Variants in TAOK3 observed in about 807,000 individuals in gnomAD.
TAOK3 encodes the protein TAO kinase 3, also known as serine/threonine-protein kinase TAO3.
A neutral mutation model predicts 120.4 loss-of-function variants in TAOK3; 40 were observed. The ratio of observed to expected loss-of-function variants is 0.33; its 90% CI spans 0.26 to 0.43. The LOEUF is 0.43. Among genes scored for constraint, TAOK3 ranks in the 20% least tolerant of loss-of-function variants. The pLI is 1.00. For synonymous variants in TAOK3, 355 were observed against 387.5 expected, an observed-to-expected ratio of 0.92 and a Z score of 0.99; for missense variants, 821 against 1,112.1, an observed-to-expected ratio of 0.74 and a Z score of 3.72.
chr12:118,325,349 G>A (rs978202324), intron 1 of TAOK3, among the ~76,000 whole-genome samples: 3 of 152,144 alleles, frequency 2.0e-5, no homozygotes, highest in South Asian at 4.1e-4. Flanking sequence ...AACAGTGTAC[G>A]AGGGTTCTCC....
chr12:118,367,755 C>T (rs985281985), intron 1 of TAOK3, among the ~76,000 whole-genome samples: 9 of 151,794 alleles, frequency 5.9e-5, no homozygotes, highest in African/African-American at 2.2e-4. Context: ...ATCCTCCCTC[C>T]CTCTCTCCCT....
At chr12:118,339,275 CTTTTTTTTT>C (rs72009582) in intron 1 of TAOK3, among the ~76,000 whole-genome samples, 85 of 86,924 alleles carry the variant, frequency 9.8e-4, no homozygotes, top group South Asian at 1.9e-3. Flanking sequence ...CTTCATCATA[CTTTTTTTTT>C]TTTTTTTTTT....
intron 3 of TAOK3, among the ~76,000 whole-genome samples, chr12:118,249,421 G>C (rs2040652443): frequency 6.6e-6 from 1 of 152,024 alleles, no homozygotes; most frequent in Non-Finnish European, 1.5e-5. Context: ...AATTAGCAGG[G>C]CGTGGTGGCA....
At chr12:118,298,915 C>G (rs1406819950) in intron 1 of TAOK3, among the ~76,000 whole-genome samples, 1 of 152,186 alleles carries the variant, frequency 6.6e-6, no homozygotes, top group Non-Finnish European at 1.5e-5. Flanking sequence ...CTTTGTTGTT[C>G]TGACCTAAAT....
chr12:118,169,077 G>A (rs1273549510), intron 17 of TAOK3, among the ~76,000 whole-genome samples: 5 of 151,636 alleles, frequency 3.3e-5, no homozygotes, highest in Non-Finnish European at 5.9e-5. Context: ...GGAATGGCGC[G>A]ATCTCGGCTC....
At chr12:118,364,973 C>T (rs2045704413) in intron 1 of TAOK3, among the ~76,000 whole-genome samples, 1 of 152,186 alleles carries the variant, frequency 6.6e-6, no homozygotes, top group Non-Finnish European at 1.5e-5. Context: ...TTAAAAAAAT[C>T]ACTTCACTTA....
intron 14 of TAOK3, among the ~76,000 whole-genome samples, chr12:118,186,577 T>C (rs1376767442): frequency 6.6e-6 from 1 of 152,228 alleles, no homozygotes; most frequent in East Asian, 1.9e-4. Context: ...TGCAGAACTA[T>C]ATAAACAACT....
At chr12:118,180,019 C>T (rs560550803) in intron 15 of TAOK3, among the ~76,000 whole-genome samples, 1 of 145,324 alleles carries the variant, frequency 6.9e-6, no homozygotes, top group Admixed American at 7.2e-5. Flanking sequence ...ACAATCTCAA[C>T]TCACTGCAAC....
At chr12:118,156,465 C>T (rs2034832079) in intron 19 of TAOK3, among the ~76,000 whole-genome samples, 1 of 152,030 alleles carries the variant, frequency 6.6e-6, no homozygotes, top group Admixed American at 6.6e-5. Flanking sequence ...CTTCCTCTAA[C>T]CGCTCTTCCT....
At chr12:118,357,972 A>G (rs2045463895) in intron 1 of TAOK3, among the ~76,000 whole-genome samples, 1 of 152,220 alleles carries the variant, frequency 6.6e-6, no homozygotes, top group African/African-American at 2.4e-5. Context: ...CATCCTATGC[A>G]TAATTATAAG....
intron 1 of TAOK3, among the ~76,000 whole-genome samples, chr12:118,307,746 A>G (rs1246128989): frequency 1.3e-5 from 2 of 152,140 alleles, no homozygotes; most frequent in Non-Finnish European, 1.5e-5. Context: ...TTCTTTCCTT[A>G]AAAAACAAAA....
chr12:118,260,282 C>T (rs2041170385), intron 2 of TAOK3, among the ~76,000 whole-genome samples: 1 of 152,192 alleles, frequency 6.6e-6, no homozygotes, highest in African/African-American at 2.4e-5. Flanking sequence ...GCATGACCAA[C>T]TGTGCCTGCC....
At chr12:118,307,912 T>C (rs546838682) in intron 1 of TAOK3, among the ~76,000 whole-genome samples, 1 of 152,128 alleles carries the variant, frequency 6.6e-6, no homozygotes, top group Admixed American at 6.5e-5. Flanking sequence ...TGATAGTTAC[T>C]GGTACTTGTT....
At chr12:118,291,793 AATGTATACTACAT>A (rs1392874864) in intron 1 of TAOK3, among the ~76,000 whole-genome samples, 1 of 152,146 alleles carries the variant, frequency 6.6e-6, no homozygotes, top group Non-Finnish European at 1.5e-5. Context: ...ATTGAAATAA[AATGTATACTACAT>A]ATGAAATGAA....
At chr12:118,158,930 T>C (rs2035024904) in intron 19 of TAOK3, among the ~76,000 whole-genome samples, 1 of 152,230 alleles carries the variant, frequency 6.6e-6, no homozygotes, top group African/African-American at 2.4e-5. Context: ...AGTCTTTGCA[T>C]ATACTGTATC....
At position 118,256,635 on chromosome 12, in the gene TAOK3, G is replaced by A. The variant is rs1001862398; in HGVS notation, c.-88-980C>T. ...GAACCTTGTAAAAATTATGCCAAAT[G>A]AAAGATACCAGTCACAAAAGACCAT... On this transcript the variant is annotated intron_variant, in intron 2 of 20. Coordinates refer to ENST00000392533, the MANE Select transcript of TAOK3 (RefSeq NM_016281.4). Among the ~76,000 whole-genome samples, 4 of 152,150 alleles carry A rather than the reference G, an allele frequency of 2.6e-5. No individual in the cohort carries two copies. The South Asian group carries it at 6.2e-4, about 24-fold the overall frequency.
intron 1 of TAOK3, among the ~76,000 whole-genome samples, chr12:118,340,045 A>G (rs1010963515): frequency 1.2e-4 from 19 of 152,218 alleles, no homozygotes; most frequent in African/African-American, 4.6e-4. Flanking sequence ...TATTTCTCTT[A>G]AAACACAAAA....
Position 118,160,079 on chromosome 12 carries a change from G to C in TAOK3, c.2352+67C>G, listed in dbSNP as rs577993506. 72 of 1,281,194 alleles carry C rather than the reference G, an allele frequency of 5.6e-5. No homozygotes were observed. Among genetic ancestry groups the C allele is most frequent in the Non-Finnish European group, 7.3e-5 (64 of 880,122 alleles). 79.4% of individuals were successfully genotyped at this position (1,281,194 alleles called of 1,614,324 possible). On this transcript the variant is annotated intron_variant, in intron 19 of 20. Coordinates refer to ENST00000392533, the MANE Select transcript of TAOK3 (RefSeq NM_016281.4). The surrounding 1 kb of genome is among the most constrained non-coding windows in gnomAD (Gnocchi z 4.2). ...TGCAAGAATCATCTTGGGAACAACA[G>C]GCTGGATCTTGGATTTTCTTGATTC...
intron 1 of TAOK3, among the ~76,000 whole-genome samples, chr12:118,322,376 A>G (rs1173028969): frequency 6.6e-6 from 1 of 151,914 alleles, no homozygotes; most frequent in East Asian, 1.9e-4. Flanking sequence ...TGATTACTCA[A>G]TATTGAATAA....
Sources: gnomAD v4.1 joint callset for allele counts (sites outside exome capture counted in the v4.1 genomes callset) on GRCh38, gnomAD v4.1.1 for gene constraint, Gnocchi (gnomAD v3.1) non-coding constraint, MANE v1.5 for transcripts, NCBI Gene and HGNC (gene_info 2026-07-23, HGNC 2026-07-21) for gene names.